RNF17: variants seen among roughly 807,000 people sequenced by gnomAD.
RNF17 encodes spermatogenesis associated 23.
RNF17 carries 31 observed loss-of-function variants against 200.5 expected under a neutral mutation model. The observed-to-expected ratio is 0.15, with a 90% CI of 0.12 to 0.21. The LOEUF is 0.21. Among genes scored for constraint, RNF17 ranks in the 10% least tolerant of loss-of-function variants. RNF17 has a pLI of 1.00. For synonymous variants in RNF17, 606 were observed against 637.8 expected, an observed-to-expected ratio of 0.95 and a Z score of 0.75; for missense variants, 1,628 against 1,905.1, an observed-to-expected ratio of 0.85 and a Z score of 2.71.
intron 6 of RNF17, among the ~76,000 whole-genome samples, chr13:24,782,172 T>C (rs1882469991): frequency 6.6e-6 from 1 of 152,146 alleles, no homozygotes; most frequent in Non-Finnish European, 1.5e-5. Context: ...CTTCTGGTGC[T>C]GAAGCTAATG....
chr13:24,756,510 G>T, the RNF17 span, among the ~76,000 whole-genome samples: 14 of 149,748 alleles, frequency 9.3e-5, no homozygotes, highest in South Asian at 2.1e-4. Flanking sequence ...ATTCTGTTGG[G>T]TTTTTTTTTT....
At chr13:24,768,240 A>G (rs2137887847) in intron 2 of RNF17, among the ~76,000 whole-genome samples, 1 of 152,162 alleles carries the variant, frequency 6.6e-6, no homozygotes, top group Non-Finnish European at 1.5e-5. Context: ...AGTGTAGTTC[A>G]GCTTATATAA....
intron 18 of RNF17, among the ~76,000 whole-genome samples, chr13:24,841,682 G>T (rs1040126701): frequency 2.0e-5 from 3 of 151,962 alleles, no homozygotes; most frequent in Admixed American, 6.6e-5. Flanking sequence ...ATTTAGGCTG[G>T]GTGCGGTGGC....
chr13:24,838,615 C>G (rs1016714986), intron 18 of RNF17, among the ~76,000 whole-genome samples: 4 of 152,126 alleles, frequency 2.6e-5, no homozygotes, highest in South Asian at 4.1e-4. Flanking sequence ...TCAACAAAAT[C>G]CAGCATCCCT....
intron 14 of RNF17, 150 bp from the exon 15 acceptor site, chr13:24,804,138 T>C: frequency 1.5e-6 from 1 of 647,376 alleles, no homozygotes; most frequent in South Asian, 1.7e-5. Context: ...GGCATGCCCC[T>C]GTGGTCCCAG....
intron 22 of RNF17, among the ~76,000 whole-genome samples, chr13:24,848,537 C>T (rs533593367): frequency 7.2e-5 from 11 of 152,252 alleles, no homozygotes; most frequent in Admixed American, 7.2e-4. Flanking sequence ...TGGCAGGCAC[C>T]TGTCATCCCA....
intron 24 of RNF17, among the ~76,000 whole-genome samples, chr13:24,852,432 T>G (rs537753833): frequency 2.6e-5 from 4 of 152,032 alleles, no homozygotes; most frequent in African/African-American, 9.7e-5. Flanking sequence ...GCCACCACGC[T>G]CGGCCTCTTT....
chr13:24,886,035 A>T, the RNF17 span: 1 of 371,678 alleles, frequency 2.7e-6, no homozygotes, highest in Non-Finnish European at 5.2e-6. Flanking sequence ...TAGTTAAAAC[A>T]TAAATGCCCT....
At chr13:24,865,647 A>T (rs17081289) in intron 29 of RNF17, among the ~76,000 whole-genome samples, 63,058 of 151,970 alleles carry the variant, frequency 0.41, 13,118 homozygotes, top group Admixed American at 0.45. Flanking sequence ...TGGTGGTAGT[A>T]CACAACCAAA....
intron 15 of RNF17, among the ~76,000 whole-genome samples, chr13:24,815,895 T>G (rs948329665): frequency 2.0e-5 from 3 of 152,156 alleles, no homozygotes; most frequent in African/African-American, 7.2e-5. Context: ...TTGTTTTGTT[T>G]CCTTGTTGGT....
chr13:24,825,421 A>G (rs1369394758), intron 15 of RNF17, among the ~76,000 whole-genome samples, 198 bp from the exon 16 acceptor site: 1 of 152,158 alleles, frequency 6.6e-6, no homozygotes, highest in Non-Finnish European at 1.5e-5. Flanking sequence ...ATGTGACTTT[A>G]TTTTTATGTC....
chr13:24,831,875 G>A lies in RNF17; in HGVS notation c.2379G>A (p.Leu793=), dbSNP rs1889453089. 1 of 1,597,682 alleles carries A rather than the reference G, an allele frequency of 6.3e-7. No homozygotes were observed. Among genetic ancestry groups the A allele is most frequent in the Non-Finnish European group, 8.5e-7 (1 of 1,176,090 alleles). Residue 793 remains leucine, a synonymous_variant, in exon 18 of 36, where the codon TTG becomes TTA. Coordinates refer to ENST00000255324, the MANE Select transcript of RNF17 (RefSeq NM_031277.3). ...TGACACAGGCAATTAAATGTAAGTT[G>A]GCCTATATTGAACCATATAAAAGGA... ...NAPEKAIKCK[L]AYIEPYKRTM... is the part of the protein sequence containing the mutation.
chr13:24,813,745 T>G (rs977330281), intron 15 of RNF17, among the ~76,000 whole-genome samples: 5 of 149,970 alleles, frequency 3.3e-5, no homozygotes, highest in Admixed American at 6.7e-5. Flanking sequence ...GTTTCCTGTC[T>G]CAGCCTCCCA....
chr13:24,808,376 A>G (rs1164651563), intron 15 of RNF17, among the ~76,000 whole-genome samples: 1 of 150,336 alleles, frequency 6.7e-6, no homozygotes, highest in African/African-American at 2.5e-5. Context: ...TGTAAGTTGG[A>G]TTCCTAGGTA....
chr13:24,772,258 A>G (rs1243663809), intron 2 of RNF17, among the ~76,000 whole-genome samples: 2 of 152,130 alleles, frequency 1.3e-5, no homozygotes, highest in Non-Finnish European at 2.9e-5. Context: ...GTAGTGTTAT[A>G]ATAGTCTTAT....
intron 15 of RNF17, among the ~76,000 whole-genome samples, chr13:24,809,123 C>T (rs1886262098): frequency 1.3e-5 from 2 of 150,800 alleles, no homozygotes; most frequent in Non-Finnish European, 1.5e-5. Context: ...GGTTGTGTCT[C>T]TGCCCGGCTT....
chr13:24,768,287 CTTT>C (rs34718905), intron 2 of RNF17, among the ~76,000 whole-genome samples: 6 of 136,258 alleles, frequency 4.4e-5, no homozygotes, highest in African/African-American at 1.1e-4. Flanking sequence ...CTGTAAATTC[CTTT>C]TTTTTTTTTT....
At chr13:24,749,307 C>CTTTCTTTTTTTTT in the RNF17 span, among the ~76,000 whole-genome samples, 5 of 108,032 alleles carry the variant, frequency 4.6e-5, no homozygotes, top group African/African-American at 1.7e-4. Context: ...TTCTTTCTTT[C>CTTTCTTTTTTTTT]TTTTTTTTTT....
intron 2 of RNF17, among the ~76,000 whole-genome samples, chr13:24,769,897 A>G (rs1880405233): frequency 6.6e-6 from 1 of 152,146 alleles, no homozygotes; most frequent in South Asian, 2.1e-4. Context: ...ATGGTTTTTG[A>G]TAACATCCCT....
Sources: allele counts gnomAD v4.1 joint callset (sites outside exome capture counted in the v4.1 genomes callset), GRCh38; gene constraint gnomAD v4.1.1; transcripts MANE v1.5; gene names NCBI Gene and HGNC (gene_info 2026-07-23, HGNC 2026-07-21).